The following BCL2L14 variants were observed in gnomAD, a reference collection of about 807,000 sequenced individuals.
BCL2L14 encodes the protein BCL2 like 14.
A neutral mutation model predicts 35.3 loss-of-function variants in BCL2L14; 27 were observed. The ratio of observed to expected loss-of-function variants is 0.76; its 90% CI spans 0.56 to 1.05. BCL2L14 has a LOEUF of 1.05. Among genes scored for constraint, BCL2L14 ranks in the 50% least tolerant of loss-of-function variants. The pLI is 0.00. For missense variants in BCL2L14, 377 were observed against 382.6 expected (o/e 0.99, Z 0.12); for synonymous variants, 139 against 145.9 (o/e 0.95, Z 0.34).
intron 1 of BCL2L14, among the ~76,000 whole-genome samples, chr12:12,078,586 A>G (rs1948834811): frequency 2.6e-5 from 4 of 152,180 alleles, no homozygotes; most frequent in Admixed American, 6.5e-5. Flanking sequence ...CAGTTCTCTC[A>G]CCACTCTTCA....
intron 1 of BCL2L14, among the ~76,000 whole-genome samples, chr12:12,050,793 TA>T (rs3052084): frequency 0.025 from 2,226 of 88,288 alleles, 47 homozygotes; most frequent in African/African-American, 0.11. Context: ...GCTGATGAGC[TA>T]AAAAAAAAAA....
chr12:12,059,153 C>CG (rs1565440807), intron 2 of BCL2L14, among the ~76,000 whole-genome samples: 34 of 152,306 alleles, frequency 2.2e-4, no homozygotes, highest in South Asian at 4.1e-4. Flanking sequence ...ATTGCAAGGA[C>CG]ACCTCTCTGA....
upstream of BCL2L14, among the ~76,000 whole-genome samples, chr12:12,065,977 G>A (rs1043575117): frequency 2.6e-5 from 4 of 152,080 alleles, no homozygotes; most frequent in Non-Finnish European, 5.9e-5. Flanking sequence ...TTTTAGTAGA[G>A]ATGGGGTTTC....
At chr12:12,078,248 GA>G (rs1489036268) in intron 1 of BCL2L14, among the ~76,000 whole-genome samples, 1 of 152,060 alleles carries the variant, frequency 6.6e-6, no homozygotes, top group Non-Finnish European at 1.5e-5. Context: ...AATATAGCAA[GA>G]AAAAAGAAAG....
chr12:12,090,362 G>A (rs1397683807), intron 3 of BCL2L14, among the ~76,000 whole-genome samples: 4 of 152,200 alleles, frequency 2.6e-5, no homozygotes, highest in Admixed American at 1.3e-4. Context: ...AGGCACAGTG[G>A]CTCATGCCTG....
intron 2 of BCL2L14, among the ~76,000 whole-genome samples, chr12:12,062,724 A>C (rs1278842344): frequency 6.6e-6 from 1 of 152,100 alleles, no homozygotes; most frequent in Non-Finnish European, 1.5e-5. Context: ...CACCGCAGTC[A>C]TTTCTTCCCT....
Position 12,087,347 on chromosome 12 carries a change from C to A in BCL2L14, c.568C>A (p.Leu190Ile), listed in dbSNP as rs775742986. 5 of 1,614,248 alleles carry A rather than the reference C, an allele frequency of 3.1e-6. No individual in the cohort carries two copies. The South Asian group carries it at 5.5e-5, about 18-fold the overall frequency. The change falls in exon 3 of 6, where the codon CTC (leucine) becomes ATC (isoleucine). Residue 190 changes from leucine to isoleucine, a missense_variant. By Grantham distance (5) the Leu-to-Ile change is conservative. Coordinates refer to ENST00000308721, the MANE Select transcript of BCL2L14 (RefSeq NM_138723.2). ...IFVTEGLSFQ[L>I]QGHVPVASSS... ...TGTAACTGAGGGTCTCTCCTTCCAGCTCCAAGGCCACGTGCCTGTAGCTTC... is the reference window on the plus strand; with the variant it reads ...TGTAACTGAGGGTCTCTCCTTCCAGATCCAAGGCCACGTGCCTGTAGCTTC...
At chr12:12,058,547 CTCCTGGCTCA>C (rs944989664) in intron 2 of BCL2L14, among the ~76,000 whole-genome samples, 81 of 152,266 alleles carry the variant, frequency 5.3e-4, no homozygotes, top group African/African-American at 1.8e-3. Flanking sequence ...GAAATTCCTT[CTCCTGGCTCA>C]TCCTGGCTCA....
intron 2 of BCL2L14, among the ~76,000 whole-genome samples, chr12:12,082,347 C>G (rs905769593): frequency 1.3e-4 from 20 of 152,370 alleles, no homozygotes; most frequent in African/African-American, 4.3e-4. Flanking sequence ...CCTCAGCTGC[C>G]CTCACCCAGC....
chr12:12,084,926 T>C (rs1048561346), intron 2 of BCL2L14, among the ~76,000 whole-genome samples: 1 of 151,258 alleles, frequency 6.6e-6, no homozygotes, highest in Non-Finnish European at 1.5e-5. Context: ...ATACAAAAAT[T>C]AGCTGGACGT....
chr12:12,087,205 T>G lies in BCL2L14; in HGVS notation c.434-8T>G. The G allele has an allele frequency of 6.2e-7, 1 of 1,613,874 alleles. No homozygotes were observed. The highest frequency in any genetic ancestry group is 8.5e-7 in the Non-Finnish European group (1 of 1,179,816). On this transcript the variant is annotated splice_polypyrimidine_tract_variant and splice_region_variant and intron_variant, in intron 2 of 5. Transcript: ENST00000308721. ...AGGGCCTCTCAGCACCATTTTGTCT[T>G]GTTTCAGCTGTGGACCCCAAAGTCA...
intron 1 of BCL2L14, among the ~76,000 whole-genome samples, chr12:12,074,691 G>A (rs2430607): frequency 0.55 from 84,152 of 152,024 alleles, 23,415 homozygotes; most frequent in East Asian, 0.64. Flanking sequence ...TGCCCACCTC[G>A]GCCTCCCAAA....
At chr12:12,072,884 T>TTTTCTTTATTTTTG (rs1385381380) in intron 1 of BCL2L14, among the ~76,000 whole-genome samples, 2 of 151,926 alleles carry the variant, frequency 1.3e-5, no homozygotes, top group Non-Finnish European at 2.9e-5. Flanking sequence ...GGGTTTTTTT[T>TTTTCTTTATTTTTG]TTTCTTTATT....
intron 2 of BCL2L14, among the ~76,000 whole-genome samples, chr12:12,080,503 C>T (rs1404695122): frequency 6.6e-6 from 1 of 151,836 alleles, no homozygotes; most frequent in Non-Finnish European, 1.5e-5. Context: ...GCTTGTATTC[C>T]CAGCTACTCG....
intron 4 of BCL2L14, among the ~76,000 whole-genome samples, chr12:12,092,203 G>A (rs1248534298): frequency 6.6e-6 from 1 of 152,206 alleles, no homozygotes; most frequent in Non-Finnish European, 1.5e-5. Flanking sequence ...GAGTGGGGGT[G>A]CTGGAGGTGG....
At chr12:12,073,062 A>AT (rs947373639) in intron 1 of BCL2L14, among the ~76,000 whole-genome samples, 26 of 151,760 alleles carry the variant, frequency 1.7e-4, no homozygotes, top group African/African-American at 6.0e-4. Context: ...AATTTTTTTC[A>AT]TTTTTTGTAG....
At chr12:12,064,402 CAAAA>C (rs1270712240) in intron 2 of BCL2L14, among the ~76,000 whole-genome samples, 1 of 5,396 alleles carries the variant, frequency 1.9e-4, no homozygotes. Flanking sequence ...AAAGCACACC[CAAAA>C]GGTGTGAGCT....
chr12:12,075,384 G>A (rs781393586), intron 1 of BCL2L14, among the ~76,000 whole-genome samples: 6 of 149,498 alleles, frequency 4.0e-5, no homozygotes, highest in African/African-American at 1.2e-4. Flanking sequence ...AGGCGTGAAC[G>A]ATTGTGCCCT....
Position 12,056,142 on chromosome 12 carries a change from C to T in BCL2L14, c.-272+4295C>T, listed in dbSNP as rs1948429672. The stretch of plus-strand genomic sequence containing the variant: ...ACCTTATTCCTTGGTTACAAATCCC[C>T]ATTTGCCTCTGCTGCATTCAGAGTT... On this transcript the variant is annotated intron_variant, in intron 2 of 3. Transcript: ENST00000461264. Among the ~76,000 whole-genome samples the T allele has an allele frequency of 3.3e-5, 5 of 152,292 alleles. No individual in the cohort carries two copies. The South Asian group carries it at 8.3e-4, about 25-fold the overall frequency.
Sources: gnomAD v4.1 joint callset for allele counts (sites outside exome capture counted in the v4.1 genomes callset) on GRCh38, gnomAD v4.1.1 for gene constraint, MANE v1.5 for transcripts, NCBI Gene and HGNC (gene_info 2026-07-23, HGNC 2026-07-21) for gene names.